The following RBM10 variants were observed in gnomAD, a reference collection of about 807,000 sequenced individuals.
RBM10 encodes RNA-binding protein 10.
RBM10 carries 1 observed loss-of-function variant against 84.9 expected under a neutral mutation model. The ratio of observed to expected loss-of-function variants is 0.01; its 90% confidence interval spans 0.00 to 0.06. The LOEUF (loss-of-function observed/expected upper bound fraction) is 0.06. RBM10 is among the 10% of genes least tolerant of loss of function. RBM10 has a pLI of 1.00. For synonymous variants in RBM10, 326 were observed against 344.5 expected (o/e 0.95, Z 0.60); for missense variants, 438 against 839.0 (o/e 0.52, Z 5.90).
At chrX:47,146,781 A>G (rs1556762176) in intron 1 of RBM10, among the ~76,000 whole-genome samples, 1 of 111,324 alleles carries the variant, frequency 9.0e-6, no homozygotes, top group African/African-American at 3.3e-5. Flanking sequence ...GTTGGCCAGG[A>G]GCCCAGGGAG....
intron 4 of RBM10, among the ~76,000 whole-genome samples, chrX:47,171,531 T>C (rs1248131303): frequency 1.8e-5 from 2 of 112,541 alleles, no homozygotes; most frequent in East Asian, 2.8e-4. Flanking sequence ...AGAGCAGTCC[T>C]GCACATTCCA....
intron 2 of RBM10, among the ~76,000 whole-genome samples, chrX:47,155,627 G>A (rs978458233): frequency 2.9e-5 from 3 of 104,042 alleles, no homozygotes; most frequent in African/African-American, 1.1e-4. Context: ...CAGCTACTTG[G>A]GAGGCTGAGG....
chrX:47,171,039 G>C lies in RBM10; in HGVS notation c.213G>C (p.Glu71Asp), dbSNP rs1556772530. The C allele has an allele frequency of 8.3e-7, 1 of 1,210,958 alleles. No homozygotes were observed. The highest frequency in any genetic ancestry group is 3.0e-5 in the East Asian group (1 of 33,809). The part of the protein sequence containing the change: ...SEEQSAEDSY[E>D]ASPGSETQRR... ...ATTCTGTCGGCCAGGATTCCTACGAGGCCTCCCCGGGCTCCGAGACTCAGC... is the reference window on the plus strand; with the variant it reads ...ATTCTGTCGGCCAGGATTCCTACGACGCCTCCCCGGGCTCCGAGACTCAGC... Residue 71 changes from glutamate (E) to aspartate (D), a missense_variant, in exon 4 of 24, where the codon GAG (glutamate) becomes GAC (aspartate). Physicochemically the swap from Glu to Asp is conservative, Grantham distance 45 (BLOSUM62 2). Around this residue, in one of 8 missense-constraint regions of RBM10, gnomAD observed 92 missense variants for 134.3 expected, o/e 0.69. Transcript: ENST00000377604.
Position 47,145,481 on chromosome X carries a change from A to C in RBM10, c.-130A>C, listed in dbSNP as rs1481063725. On this transcript the variant is annotated 5_prime_UTR_variant, in exon 1 of 24. Transcript: ENST00000377604. ...AGCCCTTCCTTGACAGCCCGGGCCG[A>C]GAAGGTGAGCGTCGACGCTGGTCGT... 6.1e-6 allele frequency: 7 copies of C among 1,149,906 alleles called. No individual in the cohort carries two copies. In the Admixed American group the frequency reaches 1.0e-4, roughly 17 times the overall value. 94.8% of individuals were successfully genotyped at this position (1,149,906 alleles called of 1,213,427 possible). A position where few individuals can be genotyped will look rare whatever the true frequency, so the allele number is the denominator to read the frequency against.
chrX:47,163,859 ATTTTT>A (rs35919377), intron 2 of RBM10, among the ~76,000 whole-genome samples: 1 of 40,121 alleles, frequency 2.5e-5, no homozygotes, highest in Non-Finnish European at 4.0e-5. Flanking sequence ...CGCCTGGCTA[ATTTTT>A]TTTTTTTTTT....
chrX:47,150,158 G>T (rs1932709440), intron 2 of RBM10, among the ~76,000 whole-genome samples: 1 of 108,731 alleles, frequency 9.2e-6, no homozygotes, highest in African/African-American at 3.5e-5. Flanking sequence ...TTAATGTATA[G>T]TGTTTTTTGT....
rs1602561768 is a variant in RBM10, at chrX:47,172,977, G to A, written c.433-151G>A. The A allele has an allele frequency of 1.3e-5, 15 of 1,134,283 alleles. No homozygotes were observed. In the African/African-American group the frequency reaches 1.4e-4, roughly 11 times the overall value. 93.5% of individuals were successfully genotyped at this position (1,134,283 alleles called of 1,213,427 possible). The stretch of plus-strand genomic sequence containing the variant: ...TGTGAACTGGTGTGGGCCTGGGGCT[G>A]TTGTCACTCAGGGAAAAGCTGCGAA... On this transcript the variant is annotated intron_variant, in intron 4 of 23. Coordinates refer to ENST00000377604, the MANE Select transcript of RBM10 (RefSeq NM_005676.5).
At chrX:47,165,126 G>A (rs1934066420) in intron 2 of RBM10, among the ~76,000 whole-genome samples, 1 of 111,662 alleles carries the variant, frequency 9.0e-6, no homozygotes, top group Admixed American at 9.6e-5. Flanking sequence ...ATTGTTTAAT[G>A]GGTACAAAGG....
chrX:47,154,515 G>A (rs1483249008), intron 2 of RBM10, among the ~76,000 whole-genome samples: 1 of 108,671 alleles, frequency 9.2e-6, no homozygotes, highest in African/African-American at 3.4e-5. Context: ...TCAGTGGTGC[G>A]ATCTTGGCTC....
At chrX:47,152,644 A>G (rs1556763994) in intron 2 of RBM10, among the ~76,000 whole-genome samples, 1 of 106,693 alleles carries the variant, frequency 9.4e-6, no homozygotes, top group Non-Finnish European at 1.9e-5. Context: ...ACGAGGTTTC[A>G]CCATGTTGGT....
chrX:47,152,774 G>GACACACACACACACAC (rs370048928), intron 2 of RBM10, among the ~76,000 whole-genome samples: 2 of 80,364 alleles, frequency 2.5e-5, no homozygotes, highest in African/African-American at 9.5e-5. Context: ...TCTTTACATA[G>GACACACACACACACAC]ACACACACAC....
chrX:47,151,014 T>C (rs1932772931), intron 2 of RBM10, among the ~76,000 whole-genome samples: 1 of 111,644 alleles, frequency 9.0e-6, no homozygotes, highest in Non-Finnish European at 1.9e-5. Flanking sequence ...ACAGGTCTTA[T>C]GTATTCTTTG....
intron 4 of RBM10, among the ~76,000 whole-genome samples, chrX:47,172,603 G>A (rs1934753779): frequency 8.9e-6 from 1 of 112,695 alleles, no homozygotes; most frequent in Non-Finnish European, 1.9e-5. Flanking sequence ...TATTGCTACA[G>A]TCATGGTCTA....
chrX:47,165,849 G>A (rs1398534765), intron 2 of RBM10, among the ~76,000 whole-genome samples: 6 of 110,035 alleles, frequency 5.5e-5, no homozygotes, highest in Non-Finnish European at 1.1e-4. Flanking sequence ...GTGAAACCCC[G>A]TCTCTACTAA....
chrX:47,162,583 T>C (rs1933805000), intron 2 of RBM10, among the ~76,000 whole-genome samples: 2 of 111,420 alleles, frequency 1.8e-5, no homozygotes, highest in Non-Finnish European at 1.9e-5. Flanking sequence ...CTCTAAAGAA[T>C]AGAGTATGGA....
chrX:47,170,166 T>A (rs1934536929), intron 3 of RBM10, among the ~76,000 whole-genome samples: 1 of 113,414 alleles, frequency 8.8e-6, no homozygotes. Flanking sequence ...AGGGAGTTCT[T>A]GCAAGCCCAG....
At chrX:47,152,589 C>T (rs950164099) in intron 2 of RBM10, among the ~76,000 whole-genome samples, 24 of 101,556 alleles carry the variant, frequency 2.4e-4, no homozygotes, top group Non-Finnish European at 3.8e-4. Flanking sequence ...TGGGATTACA[C>T]GCGCCTGCCA....
At chrX:47,172,655 GTTT>G (rs1556773905) in intron 4 of RBM10, among the ~76,000 whole-genome samples, 12 of 112,871 alleles carry the variant, frequency 1.1e-4, no homozygotes, top group Non-Finnish European at 2.1e-4. Context: ...GTCCTCCCCA[GTTT>G]GACATTTATG....
intron 2 of RBM10, among the ~76,000 whole-genome samples, chrX:47,159,672 C>T (rs1415481707): frequency 1.8e-5 from 2 of 111,151 alleles, no homozygotes; most frequent in East Asian, 2.8e-4. Context: ...GAAATAAACC[C>T]GCACACATAG....
Sources: gnomAD v4.1 joint callset for allele counts (sites outside exome capture counted in the v4.1 genomes callset) on GRCh38, gnomAD v4.1.1 for gene constraint, gnomAD v4.1.1 regional missense constraint, MANE v1.5 for transcripts, NCBI Gene and HGNC (gene_info 2026-07-23, HGNC 2026-07-21) for gene names.